Variants in MAD1L1 observed in about 807,000 individuals in gnomAD.
MAD1L1 encodes the protein mitotic spindle assembly checkpoint protein MAD1.
Under a neutral mutation model 96.9 loss-of-function variants are expected in MAD1L1, and 95 were observed. That is an observed-to-expected ratio of 0.98 (90% CI 0.83 to 1.16). MAD1L1 has a LOEUF of 1.16. MAD1L1 is among the 50% of genes most tolerant of loss of function. MAD1L1 has a pLI of 0.00. For synonymous variants in MAD1L1, 473 were observed against 396.6 expected (o/e 1.19, Z -2.29); for missense variants, 1,007 against 954.4 (o/e 1.06, Z -0.73).
chr7:2,177,323 C>G (rs556918735), intron 10 of MAD1L1, among the ~76,000 whole-genome samples: 1 of 152,204 alleles, frequency 6.6e-6, no homozygotes, highest in Admixed American at 6.5e-5. Flanking sequence ...TCATGTACAG[C>G]AGATGTATTC....
intron 3 of MAD1L1, among the ~76,000 whole-genome samples, chr7:2,229,025 A>G (rs1450796501): frequency 6.6e-6 from 1 of 152,324 alleles, no homozygotes; most frequent in South Asian, 2.1e-4. Flanking sequence ...GAGCCACCAC[A>G]TCTGGCCACA....
chr7:2,096,621 C>G (rs747943321), intron 11 of MAD1L1, among the ~76,000 whole-genome samples: 4 of 152,178 alleles, frequency 2.6e-5, no homozygotes, highest in Non-Finnish European at 5.9e-5. Flanking sequence ...GCTTCCCCCG[C>G]TACAGCGAGA....
intron 15 of MAD1L1, among the ~76,000 whole-genome samples, chr7:1,958,748 C>T (rs570024799): frequency 7.9e-5 from 12 of 152,246 alleles, no homozygotes; most frequent in African/African-American, 2.6e-4. Flanking sequence ...CAAGACGCAG[C>T]ATTGCACAGA....
chr7:1,863,594 CTT>C (rs1007704706), intron 18 of MAD1L1, among the ~76,000 whole-genome samples: 17 of 152,224 alleles, frequency 1.1e-4, no homozygotes, highest in African/African-American at 3.9e-4. Flanking sequence ...CAGGAGGAGA[CTT>C]GGGCTTGCAG....
In MAD1L1 at chr7:1,957,038, G is replaced by A. The variant is rs143437152; in HGVS notation, c.1596+591C>T. 2.3e-3 allele frequency among the ~76,000 whole-genome samples: 353 copies of A among 152,328 alleles called. 2 individuals are homozygous for A. The highest frequency in any genetic ancestry group is 3.4e-3 in the Non-Finnish European group (230 of 68,030). ...CAGAGCCTCTGGTGGGCGGGCAGCA[G>A]CCCCGTGACCGCTCCCTGTACACCA... On this transcript the variant is annotated intron_variant, in intron 16 of 18. Transcript: ENST00000265854.
At chr7:2,029,701 G>A (rs1332406527) in intron 12 of MAD1L1, among the ~76,000 whole-genome samples, 1 of 152,140 alleles carries the variant, frequency 6.6e-6, no homozygotes, top group Admixed American at 6.5e-5. Context: ...CCAGAGGCCT[G>A]GAGGCCTAAC....
At chr7:2,161,339 G>A (rs532918889) in intron 10 of MAD1L1, among the ~76,000 whole-genome samples, 40 of 151,972 alleles carry the variant, frequency 2.6e-4, no homozygotes, top group Middle Eastern at 6.8e-3. Context: ...GCTCCTGACC[G>A]CGAGTGATCT....
chr7:1,943,238 GAAC>G (rs1779081278), intron 16 of MAD1L1, among the ~76,000 whole-genome samples: 1 of 152,170 alleles, frequency 6.6e-6, no homozygotes, highest in African/African-American at 2.4e-5. Flanking sequence ...AAAGCACAAA[GAAC>G]AAAAGAAAAT....
intron 12 of MAD1L1, among the ~76,000 whole-genome samples, chr7:2,023,774 C>A (rs1427233807): frequency 6.6e-6 from 1 of 152,068 alleles, no homozygotes; most frequent in East Asian, 1.9e-4. Context: ...CATGGTGAAA[C>A]CCCATCTCTA....
chr7:1,918,133 C>T (rs1386419115), intron 17 of MAD1L1, among the ~76,000 whole-genome samples: 1 of 152,196 alleles, frequency 6.6e-6, no homozygotes, highest in Non-Finnish European at 1.5e-5. Flanking sequence ...CTCCACTCTG[C>T]AGCCAGGCCA....
intron 11 of MAD1L1, among the ~76,000 whole-genome samples, chr7:2,112,137 T>A (rs1283324498): frequency 6.6e-6 from 1 of 151,858 alleles, no homozygotes; most frequent in Non-Finnish European, 1.5e-5. Flanking sequence ...GAGCCAAAGA[T>A]GCCATATTTG....
Position 2,103,091 on chromosome 7 carries a change from GCGCGTCC to G in MAD1L1, c.1074-33760_1074-33754del. Among the ~76,000 whole-genome samples the G allele has an allele frequency of 6.6e-6, 1 of 152,222 alleles. No homozygotes were observed. The highest frequency in any genetic ancestry group is 2.4e-5 in the African/African-American group (1 of 41,542). The stretch of plus-strand genomic sequence containing the variant: ...GCCACGCTGCCTGCCTGCTGGAGAC[GCGCGTCC>G]TCTCCCACCTCAGGGCCCCTGCGCT... On this transcript the variant is annotated intron_variant, in intron 11 of 18. Coordinates refer to ENST00000265854, the MANE Select transcript of MAD1L1 (RefSeq NM_001013836.2). The surrounding 1 kb of genome is among the most constrained non-coding windows in gnomAD (Gnocchi z 4.3).
chr7:1,887,773 C>A (rs1786184754), intron 18 of MAD1L1, among the ~76,000 whole-genome samples: 1 of 133,432 alleles, frequency 7.5e-6, no homozygotes, highest in Admixed American at 7.8e-5. Context: ...ATGTGGCTGC[C>A]TGTGTGTGTG....
chr7:2,050,535 T>C (rs542799075), intron 12 of MAD1L1, among the ~76,000 whole-genome samples: 6 of 152,282 alleles, frequency 3.9e-5, no homozygotes, highest in African/African-American at 1.4e-4. Context: ...AAGCCAACAG[T>C]GGCCTATCAC....
intron 17 of MAD1L1, among the ~76,000 whole-genome samples, chr7:1,926,296 C>T (rs756215256): frequency 6.6e-6 from 1 of 152,162 alleles, no homozygotes; most frequent in African/African-American, 2.4e-5. Context: ...GATGGTTTCA[C>T]CAGCAAATTC....
intron 18 of MAD1L1, chr7:1,817,579 T>G (rs1781883118): frequency 6.6e-6 from 1 of 152,174 alleles, no homozygotes; most frequent in South Asian, 2.1e-4. Context: ...GGGGATGTCC[T>G]GGAGGGGCAC....
At chr7:2,071,394 C>T (rs1266549197) in intron 11 of MAD1L1, among the ~76,000 whole-genome samples, 10 of 152,236 alleles carry the variant, frequency 6.6e-5, no homozygotes, top group South Asian at 4.1e-4. Context: ...AATGTACTGG[C>T]GTCCAGGACG....
intron 6 of MAD1L1, 94 bp from the exon 7 acceptor site, chr7:2,218,137 A>C (rs1793392836): frequency 3.3e-6 from 3 of 917,196 alleles, no homozygotes; most frequent in South Asian, 1.3e-5. Flanking sequence ...ACAGACCCAC[A>C]TACGTTCATT....
intron 17 of MAD1L1, among the ~76,000 whole-genome samples, chr7:1,928,116 G>C (rs1223249422): frequency 1.3e-5 from 2 of 148,308 alleles, no homozygotes; most frequent in African/African-American, 2.5e-5. Flanking sequence ...CACACCTGCT[G>C]CTGCTCCCCA....
Sources: gnomAD v4.1 joint callset for allele counts (sites outside exome capture counted in the v4.1 genomes callset) on GRCh38, gnomAD v4.1.1 for gene constraint, Gnocchi (gnomAD v3.1) non-coding constraint, MANE v1.5 for transcripts, NCBI Gene and HGNC (gene_info 2026-07-23, HGNC 2026-07-21) for gene names.